The following SLC35F3 variants were observed in gnomAD, a reference collection of about 807,000 sequenced individuals.
SLC35F3 encodes the protein putative thiamine transporter SLC35F3.
A neutral mutation model predicts 49.9 loss-of-function variants in SLC35F3; 25 were observed. The observed-to-expected ratio is 0.50, with a 90% CI of 0.37 to 0.70. SLC35F3 has a LOEUF of 0.70. Among genes scored for constraint, SLC35F3 ranks in the 30% least tolerant of loss-of-function variants. The pLI, the probability that SLC35F3 is intolerant of heterozygous loss-of-function variation, is 0.00. For missense variants in SLC35F3, 525 were observed against 639.8 expected (o/e 0.82, Z 1.94); for synonymous variants, 275 against 265.4 (o/e 1.04, Z -0.35).
intron 2 of SLC35F3, among the ~76,000 whole-genome samples, chr1:234,087,770 C>CAGCT (rs1300644187): frequency 2.0e-5 from 3 of 152,166 alleles, no homozygotes; most frequent in Admixed American, 6.5e-5. Context: ...CCACATCTCC[C>CAGCT]AGCTCATTTC....
chr1:234,010,679 C>A (rs1242837177), intron 2 of SLC35F3, among the ~76,000 whole-genome samples: 1 of 152,102 alleles, frequency 6.6e-6, no homozygotes, highest in Non-Finnish European at 1.5e-5. Flanking sequence ...ACATTGCAGT[C>A]TATCTCTTCC....
intron 2 of SLC35F3, among the ~76,000 whole-genome samples, chr1:234,170,479 T>G (rs552731845): frequency 5.9e-4 from 90 of 152,188 alleles, no homozygotes; most frequent in Non-Finnish European, 1.0e-3. Flanking sequence ...GGCTTCTTGG[T>G]GGTCAGGTCA....
chr1:234,176,105 C>A, intron 2 of SLC35F3, among the ~76,000 whole-genome samples: 1 of 152,164 alleles, frequency 6.6e-6, no homozygotes, highest in East Asian at 1.9e-4. Flanking sequence ...ATGGGACATC[C>A]CTTTTTTCTG....
chr1:234,261,654 G>C (rs986334363), intron 3 of SLC35F3: 2 of 152,038 alleles, frequency 1.3e-5, no homozygotes, highest in African/African-American at 4.8e-5. Context: ...CTCATCCTGT[G>C]ACTAAGAATG....
intron 6 of SLC35F3, 40 bp downstream of exon 6, chr1:234,318,983 C>T: frequency 6.4e-7 from 1 of 1,563,424 alleles, no homozygotes; most frequent in Non-Finnish European, 8.8e-7. Flanking sequence ...CAGAAAGCAA[C>T]CACCCACAGA....
At chr1:234,314,542 C>G (rs597474) in intron 4 of SLC35F3, among the ~76,000 whole-genome samples, 111,378 of 152,088 alleles carry the variant, frequency 0.73, 41,906 homozygotes, top group African/African-American at 0.92. Flanking sequence ...GTGTGGATCA[C>G]CTGAGGTCAG....
chr1:234,082,586 A>T (rs1201042307), intron 2 of SLC35F3, among the ~76,000 whole-genome samples: 2 of 152,198 alleles, frequency 1.3e-5, no homozygotes, highest in Non-Finnish European at 2.9e-5. Flanking sequence ...GTAGTATCAC[A>T]GGGACCACCA....
chr1:233,974,720 A>G (rs976349274), intron 2 of SLC35F3, among the ~76,000 whole-genome samples: 7 of 152,216 alleles, frequency 4.6e-5, no homozygotes, highest in African/African-American at 1.7e-4. Flanking sequence ...AGTGACATGA[A>G]TGTACTAAAC....
At position 234,285,448 on chromosome 1, in the gene SLC35F3, T is replaced by C. The variant is rs1668405244; in HGVS notation, c.609-23653T>C. 7.1e-6 allele frequency: 3 copies of C among 420,236 alleles called. No individual in the cohort carries two copies. In the East Asian group the frequency reaches 2.1e-4, roughly 30 times the overall value. The allele number at this position is 420,236 out of a possible 1,614,324, so 26.0% of individuals were successfully genotyped here. ...CTTGTTTCCAGCTCAGCAGGTCTGA[T>C]TCAGCAAGTTGCAACAGTAAAAACA... On this transcript the variant is annotated intron_variant, in intron 3 of 7. Coordinates refer to ENST00000366618, the MANE Select transcript of SLC35F3 (RefSeq NM_173508.4).
Position 233,938,628 on chromosome 1 carries a change from AGATG to A in SLC35F3, c.283+32889_283+32892del, listed in dbSNP as rs550618631. Among the ~76,000 whole-genome samples the A allele has an allele frequency of 1.4e-4, 21 of 151,802 alleles. No homozygotes were observed. The Middle Eastern group carries it at 0.01, about 74-fold the overall frequency. ...ACAATGGATGGACAGATGGATGGAT[AGATG>A]GATGGATGGATGGATGGAAGGATGG... On this transcript the variant is annotated intron_variant, in intron 2 of 7. Transcript: ENST00000366618.
At chr1:234,094,575 C>T (rs1173437031) in intron 2 of SLC35F3, among the ~76,000 whole-genome samples, 1 of 152,122 alleles carries the variant, frequency 6.6e-6, no homozygotes, top group Non-Finnish European at 1.5e-5. Context: ...ATTGATGGGC[C>T]ATTATTAGGT....
intron 2 of SLC35F3, among the ~76,000 whole-genome samples, chr1:234,045,582 T>C (rs930409605): frequency 6.6e-6 from 1 of 152,150 alleles, no homozygotes; most frequent in Admixed American, 6.5e-5. Context: ...CTCTAGAACT[T>C]GCACTTGTAA....
intron 2 of SLC35F3, among the ~76,000 whole-genome samples, chr1:234,155,345 G>A (rs1300443715): frequency 6.6e-6 from 1 of 151,294 alleles, no homozygotes; most frequent in African/African-American, 2.5e-5. Context: ...TTCTTTTAAA[G>A]GATGTTGATA....
At chr1:233,915,457 G>A (rs1033036491) in intron 2 of SLC35F3, among the ~76,000 whole-genome samples, 1 of 152,118 alleles carries the variant, frequency 6.6e-6, no homozygotes, top group Non-Finnish European at 1.5e-5. Flanking sequence ...GAGGTGGGAG[G>A]ATCACTTGAG....
intron 2 of SLC35F3, among the ~76,000 whole-genome samples, chr1:234,079,199 G>A (rs1664839561): frequency 6.6e-6 from 1 of 152,184 alleles, no homozygotes; most frequent in Admixed American, 6.5e-5. Context: ...TTTTCAACAA[G>A]GGTACCAAGA....
At chr1:234,207,760 G>A (rs1211503059) in intron 2 of SLC35F3, among the ~76,000 whole-genome samples, 1 of 152,122 alleles carries the variant, frequency 6.6e-6, no homozygotes, top group Non-Finnish European at 1.5e-5. Context: ...CTAGTGCTTT[G>A]AGAGTCCAAG....
chr1:234,265,248 T>C (rs1329527113), intron 3 of SLC35F3, among the ~76,000 whole-genome samples: 1 of 152,088 alleles, frequency 6.6e-6, no homozygotes, highest in Non-Finnish European at 1.5e-5. Context: ...CCTCTCACAA[T>C]CCTCCCCACC....
chr1:234,061,436 C>G (rs1191108598), intron 2 of SLC35F3, among the ~76,000 whole-genome samples: 1 of 151,972 alleles, frequency 6.6e-6, no homozygotes, highest in African/African-American at 2.4e-5. Context: ...GTCTGTGACT[C>G]TCTTTTTGGT....
intron 2 of SLC35F3, among the ~76,000 whole-genome samples, chr1:234,140,054 C>A (rs1665885371): frequency 6.6e-6 from 1 of 151,434 alleles, no homozygotes; most frequent in African/African-American, 2.4e-5. Flanking sequence ...TATCTGATAG[C>A]AGATCTGGCT....
Sources: allele counts gnomAD v4.1 joint callset (sites outside exome capture counted in the v4.1 genomes callset), GRCh38; gene constraint gnomAD v4.1.1; transcripts MANE v1.5; gene names NCBI Gene and HGNC (gene_info 2026-07-23, HGNC 2026-07-21).